CRX: variants seen among roughly 807,000 people sequenced by gnomAD.
The protein encoded by CRX is cone-rod homeobox protein.
Under a neutral mutation model 13.1 loss-of-function variants are expected in CRX, and 5 were observed. The observed-to-expected ratio is 0.38, with a 90% CI of 0.20 to 0.80. The LOEUF (loss-of-function observed/expected upper bound fraction) is 0.80, where lower values mean the gene tolerates loss of function less well. Ranked by LOEUF, CRX falls within the 30% of genes least tolerant of loss-of-function variation. CRX has a pLI of 0.43. For missense variants in CRX, 351 were observed against 391.8 expected (o/e 0.90, Z 0.88); for synonymous variants, 179 against 171.1 (o/e 1.05, Z -0.36).
intron 1 of CRX, among the ~76,000 whole-genome samples, chr19:47,827,756 C>T (rs1359848780): frequency 7.5e-6 from 1 of 133,446 alleles, no homozygotes; most frequent in Non-Finnish European, 1.6e-5. Context: ...CTCCTGACCT[C>T]AAGTGATCCT....
chr19:47,827,353 G>A lies in CRX; in HGVS notation c.-36+5343G>A, dbSNP rs180943620. On this transcript the variant is annotated intron_variant, in intron 1 of 3. Coordinates refer to ENST00000221996, the MANE Select transcript of CRX (RefSeq NM_000554.6). ...AAGTTGGAGACCCTGTCTTGCTCAG[G>A]GTGACGGTGTGAGATTCCAGCCTCC... Among the ~76,000 whole-genome samples, 451 of 151,862 alleles carry A rather than the reference G, an allele frequency of 3.0e-3. 6 individuals are homozygous for A. Among genetic ancestry groups the A allele is most frequent in the Middle Eastern group, 0.014 (4 of 294 alleles).
chr19:47,835,644 A>G (rs1968108968), intron 2 of CRX, among the ~76,000 whole-genome samples: 1 of 119,518 alleles, frequency 8.4e-6, no homozygotes, highest in African/African-American at 3.4e-5. Flanking sequence ...TTTTTTCAAG[A>G]CCGAGCCTTG....
chr19:47,841,112 T>A lies in CRX; in HGVS notation c.*1145T>A, dbSNP rs923619891. The A allele has an allele frequency of 2.6e-5, 4 of 152,206 alleles. No individual in the cohort carries two copies. The highest frequency in any genetic ancestry group is 5.9e-5 in the Non-Finnish European group (4 of 68,036). 9.4% of individuals were successfully genotyped at this position (152,206 alleles called of 1,614,324 possible). On this transcript the variant is annotated 3_prime_UTR_variant, in exon 4 of 4. Transcript: ENST00000221996. ...CCGTCGGGAAACCTTAGGCCAATGA[T>A]GTGGTTACATTAAAAATAAATTATC...
chr19:47,835,097 C>T (rs1005045341), intron 2 of CRX, among the ~76,000 whole-genome samples: 6 of 152,110 alleles, frequency 3.9e-5, no homozygotes, highest in African/African-American at 7.2e-5. Context: ...TGGGCTCAAG[C>T]GATCCTTTTG....
Position 47,839,974 on chromosome 19 carries a change from C to T in CRX, c.*7C>T, listed in dbSNP as rs751630154. 3 of 1,612,816 alleles carry T rather than the reference C, an allele frequency of 1.9e-6. No homozygotes were observed. Among genetic ancestry groups the T allele is most frequent in the Non-Finnish European group, 2.5e-6 (3 of 1,180,026 alleles). ...GAAGTTTCAGATCTTGTAGAGGACGCAGTCTCCATCTCTCTCCATCGGGCC... is the reference window on the plus strand; with the variant it reads ...GAAGTTTCAGATCTTGTAGAGGACGTAGTCTCCATCTCTCTCCATCGGGCC... On this transcript the variant is annotated 3_prime_UTR_variant, in exon 4 of 4. Coordinates refer to ENST00000221996, the MANE Select transcript of CRX (RefSeq NM_000554.6). This position sits in a 1 kb window ranked among gnomAD's most constrained non-coding sequence, Gnocchi z 4.6.
chr19:47,824,877 C>A (rs1285414391), intron 1 of CRX, among the ~76,000 whole-genome samples: 3 of 151,180 alleles, frequency 2.0e-5, no homozygotes, highest in Admixed American at 6.6e-5. Flanking sequence ...AAATTGTTGT[C>A]ATTGTGAGAT....
intron 3 of CRX, among the ~76,000 whole-genome samples, chr19:47,838,095 T>C (rs1453399909): frequency 1.3e-5 from 2 of 152,160 alleles, no homozygotes; most frequent in Admixed American, 1.3e-4. Flanking sequence ...TAGCTATGTA[T>C]GCTGTATGTG....
chr19:47,839,130 G>GC lies in CRX; in HGVS notation c.253-189dup, dbSNP rs765334312. ...GGGTATGATGTATGCATGTGTTCAT[G>GC]CACACATGCAGGTATGATTGGATGG... On this transcript the variant is annotated intron_variant, in intron 3 of 3. Transcript: ENST00000221996. The surrounding 1 kb of genome is among the most constrained non-coding windows in gnomAD (Gnocchi z 4.6). Among the ~76,000 whole-genome samples the GC allele has an allele frequency of 1.1e-4, 17 of 152,086 alleles. No individual in the cohort carries two copies. The highest frequency in any genetic ancestry group is 2.2e-4 in the Non-Finnish European group (15 of 67,994).
rs762749483 is a variant in CRX, at chr19:47,839,297, C to A, written c.253-23C>A. On this transcript the variant is annotated intron_variant, in intron 3 of 3. Transcript: ENST00000221996. This position sits in a 1 kb window ranked among gnomAD's most constrained non-coding sequence, Gnocchi z 4.6. Reference sequence around the variant, plus strand: ...GGGCCTCTTCCCCACTTACCCACCCCCATCTCCGCTCTTATCCCCCAGGTT... The same window carrying A: ...GGGCCTCTTCCCCACTTACCCACCCACATCTCCGCTCTTATCCCCCAGGTT... 19 of 1,609,554 alleles carry A rather than the reference C, an allele frequency of 1.2e-5. No homozygotes were observed. The highest frequency in any genetic ancestry group is 4.0e-5 in the African/African-American group (3 of 74,790).
At chr19:47,830,500 A>C (rs1341013263) in intron 1 of CRX, among the ~76,000 whole-genome samples, 4 of 152,114 alleles carry the variant, frequency 2.6e-5, no homozygotes, top group Admixed American at 2.6e-4. Flanking sequence ...CAAGAGATTG[A>C]GACCATCCTG....
Position 47,822,776 on chromosome 19 carries a change from ATCT to A in CRX, c.-36+771_-36+773del, listed in dbSNP as rs140075164. Among the ~76,000 whole-genome samples, 999 of 152,086 alleles carry A rather than the reference ATCT, an allele frequency of 6.6e-3. 13 individuals carry two copies. Among genetic ancestry groups the A allele is most frequent in the African/African-American group, 0.023 (968 of 41,512 alleles). ...GCTTCCAGCACAGTCACTCTCTCTG[ATCT>A]TCTTTCTGCAAAGTTTTTTTTTGTT... is the stretch of plus-strand genomic sequence containing the variant. On this transcript the variant is annotated intron_variant, in intron 1 of 3. Transcript: ENST00000221996.
chr19:47,830,134 A>G (rs1968025846), intron 1 of CRX, among the ~76,000 whole-genome samples: 1 of 119,800 alleles, frequency 8.3e-6, no homozygotes, highest in Non-Finnish European at 1.9e-5. Context: ...TCAAAGTGCA[A>G]TTAAATGGGA....
At chr19:47,835,639 T>TTC (rs1289234772) in intron 2 of CRX, among the ~76,000 whole-genome samples, 47 of 148,428 alleles carry the variant, frequency 3.2e-4, no homozygotes, top group Non-Finnish European at 6.1e-4. Flanking sequence ...TTTTTTTTTT[T>TTC]CAAGACCGAG....
chr19:47,836,870 T>C (rs1303730043), intron 3 of CRX, among the ~76,000 whole-genome samples: 2 of 152,102 alleles, frequency 1.3e-5, no homozygotes, highest in East Asian at 3.9e-4. Context: ...GGTTAATACA[T>C]GTTTATTAAC....
intron 2 of CRX, among the ~76,000 whole-genome samples, chr19:47,835,227 A>AT (rs370919775): frequency 0.3 from 44,336 of 147,250 alleles, 7,320 homozygotes; most frequent in African/African-American, 0.45. Flanking sequence ...AATTATTATT[A>AT]TTTTTTTTTT....
chr19:47,837,061 C>G (rs568665827), intron 3 of CRX, among the ~76,000 whole-genome samples: 1 of 152,050 alleles, frequency 6.6e-6, no homozygotes, highest in African/African-American at 2.4e-5. Flanking sequence ...TTTGCATGAA[C>G]GCACATAGGT....
chr19:47,836,451 G>T (rs897637409), intron 3 of CRX, 57 bp downstream of exon 3: 2 of 1,608,188 alleles, frequency 1.2e-6, no homozygotes, highest in Admixed American at 3.3e-5. Flanking sequence ...CAGGAGGCCT[G>T]CCCGGAACAA....
chr19:47,834,503 C>A lies in CRX; in HGVS notation c.60C>A (p.Gly20=), dbSNP rs769017861. The A allele has an allele frequency of 6.2e-7, 1 of 1,614,146 alleles. No homozygotes were observed. The highest frequency in any genetic ancestry group is 8.5e-7 in the Non-Finnish European group (1 of 1,180,028). ...HYSVNALALS[G]PSVDLMHQAV... is the part of the protein sequence containing the mutation. ...CTGTCAACGCCTTGGCCCTAAGTGG[C>A]CCCAGTGTGGATCTGATGCACCAGG... The change falls in exon 2 of 4, where the codon GGC becomes GGA. Residue 20 remains glycine (G), a synonymous_variant. Transcript: ENST00000221996.
chr19:47,834,289 A>G lies in CRX; in HGVS notation c.-35-120A>G, dbSNP rs3760817. On this transcript the variant is annotated intron_variant, in intron 1 of 3. Transcript: ENST00000221996. Reference sequence around the variant, plus strand: ...GGACACAGAGGTACAGAGAGGTGAGATAAATGGCCAAGGTCACATACCTAA... The same window carrying G: ...GGACACAGAGGTACAGAGAGGTGAGGTAAATGGCCAAGGTCACATACCTAA... The G allele has an allele frequency of 0.017, 11,742 of 695,998 alleles. 429 individuals carry two copies. The highest frequency in any genetic ancestry group is 0.11 in the African/African-American group (6,356 of 57,276). The allele number at this position is 695,998 out of a possible 1,614,324, so 43.1% of individuals were successfully genotyped here.
Sources: allele counts gnomAD v4.1 joint callset (sites outside exome capture counted in the v4.1 genomes callset), GRCh38; gene constraint gnomAD v4.1.1; non-coding constraint Gnocchi (gnomAD v3.1); transcripts MANE v1.5; gene names NCBI Gene and HGNC (gene_info 2026-07-23, HGNC 2026-07-21).